The following ABCA1 variants were observed in gnomAD, a reference collection of about 807,000 sequenced individuals.
ABCA1 encodes phospholipid-transporting ATPase ABCA1.
In ABCA1, 133 loss-of-function variants were observed where a neutral mutation model predicts 262.5. That is an observed-to-expected ratio of 0.51 (90% confidence interval 0.44 to 0.59). The LOEUF (loss-of-function observed/expected upper bound fraction) is 0.59. Ranked by LOEUF, ABCA1 falls within the 20% of genes least tolerant of loss-of-function variation. The pLI is 0.00. For synonymous variants in ABCA1, 1,022 were observed against 1,043.5 expected, an observed-to-expected ratio of 0.98 and a Z score of 0.40; for missense variants, 2,452 against 2,777.5, an observed-to-expected ratio of 0.88 and a Z score of 2.63.
intron 2 of ABCA1, among the ~76,000 whole-genome samples, chr9:104,893,421 CAAAAAAAAAA>C (rs34544647): frequency 1.2e-3 from 41 of 35,264 alleles, no homozygotes; most frequent in Non-Finnish European, 1.6e-3. Flanking sequence ...GACTTCACCT[CAAAAAAAAAA>C]AAAAAAAAAA....
intron 11 of ABCA1, among the ~76,000 whole-genome samples, chr9:104,836,265 CA>C (rs1833809883): frequency 6.6e-6 from 1 of 152,200 alleles, no homozygotes. Flanking sequence ...AGGTTCAAAA[CA>C]AGAAACCTGG....
chr9:104,925,475 T>C (rs1194434255), intron 1 of ABCA1, among the ~76,000 whole-genome samples: 1 of 151,804 alleles, frequency 6.6e-6, no homozygotes, highest in Non-Finnish European at 1.5e-5. Flanking sequence ...AGACAACATA[T>C]CACACGTGTC....
chr9:104,823,269 G>A (rs1832531978), intron 18 of ABCA1, among the ~76,000 whole-genome samples: 2 of 152,196 alleles, frequency 1.3e-5, no homozygotes, highest in Admixed American at 1.3e-4. Context: ...CAGCTTGACT[G>A]AGCTAGTAAT....
Position 104,824,514 on chromosome 9 carries a change from T to C in ABCA1, c.2607A>G (p.Glu869=), listed in dbSNP as rs1255744285. ...AACCAGGGTGGCTCTTCTCATCACT[T>C]TCCTCGCCAAACCAGTAGGACTTGG... The part of the protein sequence containing the change: ...PCTKSYWFGE[E]SDEKSHPGSN... Residue 869 remains glutamate (E), a synonymous_variant, in exon 18 of 50, where the codon GAA becomes GAG. Coordinates refer to ENST00000374736, the MANE Select transcript of ABCA1 (RefSeq NM_005502.4). 6.2e-7 allele frequency: 1 copy of C among 1,614,150 alleles called. No individual in the cohort carries two copies. The highest frequency in any genetic ancestry group is 8.5e-7 in the Non-Finnish European group (1 of 1,180,034).
chr9:104,862,656 G>A (rs1407163313), intron 5 of ABCA1, among the ~76,000 whole-genome samples: 4 of 1,940 alleles, frequency 2.1e-3, no homozygotes, highest in Non-Finnish European at 4.1e-3. Context: ...GGCCGGGCCG[G>A]GCCGGGCCGG....
Position 104,829,013 on chromosome 9 carries a change from A to G in ABCA1, c.2018T>C (p.Ile673Thr), listed in dbSNP as rs1833030945. The change falls in exon 15 of 50, where the codon ATC (isoleucine) becomes ACC (threonine). Residue 673 changes from isoleucine (I) to threonine (T), a missense_variant. By Grantham distance (89) the Ile-to-Thr change is moderately conservative. Transcript: ENST00000374736. Reference sequence around the variant, plus strand: ...GAGGATGCTGTTGTCCAGGCCCATGATCCGCATGGTCTCTTTCAGCCGTGC... The same window carrying G: ...GAGGATGCTGTTGTCCAGGCCCATGGTCCGCATGGTCTCTTTCAGCCGTGC... The part of the protein sequence containing the change: ...KEARLKETMR[I>T]MGLDNSILWF... 1.2e-6 allele frequency: 2 copies of G among 1,614,048 alleles called. No individual in the cohort carries two copies. The highest frequency in any genetic ancestry group is 1.7e-6 in the Non-Finnish European group (2 of 1,180,042).
At chr9:104,791,787 T>TC (rs1441783980) in intron 43 of ABCA1, 149 bp downstream of exon 43, 10 of 734,814 alleles carry the variant, frequency 1.4e-5, no homozygotes, top group Non-Finnish European at 2.1e-5. Flanking sequence ...ACAGGGTCCC[T>TC]CTCTTCTCGA....
rs186911476 is a variant in ABCA1, at chr9:104,832,706, T to G, written c.1377A>C (p.Thr459=). 456 of 1,614,198 alleles carry G rather than the reference T, an allele frequency of 2.8e-4. 1 individual carries two copies. The East Asian group carries it at 3.7e-3, about 13-fold the overall frequency. ...CCAAAAACGCCACGATGTCTTGGGC[T>G]GTCCAATCTAAGCCATCCAACTGCT... The part of the protein sequence containing the change: ...WEQQLDGLDW[T]AQDIVAFLAK... Residue 459 remains threonine, a synonymous_variant, in exon 12 of 50, where the codon ACA becomes ACC. Transcript: ENST00000374736.
chr9:104,847,332 TCGA>T (rs1834982562), intron 7 of ABCA1, among the ~76,000 whole-genome samples: 2 of 152,168 alleles, frequency 1.3e-5, no homozygotes, highest in Non-Finnish European at 2.9e-5. Context: ...TTCCATTTTC[TCGA>T]CTATGCAGCA....
At chr9:104,793,992 G>T (rs1829645308) in intron 40 of ABCA1, among the ~76,000 whole-genome samples, 1 of 152,172 alleles carries the variant, frequency 6.6e-6, no homozygotes, top group African/African-American at 2.4e-5. Context: ...CTCATCTGCA[G>T]GCACATGATT....
intron 34 of ABCA1, 108 bp from the exon 35 acceptor site, chr9:104,800,692 A>ACT: frequency 1.1e-6 from 1 of 942,062 alleles, no homozygotes; most frequent in South Asian, 1.3e-5. Context: ...GAGCAATGCC[A>ACT]CTACCTTGTT....
rs908889122 is a variant in ABCA1 at position 104,781,452 on chromosome 9, G to C, written c.*2863C>G. 3 of 152,540 alleles carry C rather than the reference G, an allele frequency of 2.0e-5. No homozygotes were observed. The highest frequency in any genetic ancestry group is 6.5e-5 in the Admixed American group (1 of 15,272). The allele number at this position is 152,540 out of a possible 1,614,324, so 9.4% of individuals were successfully genotyped here. ...AAATTAATGTCTCAATATCAAAGTG[G>C]TTCAGTATTACATGACACATGGCTC... On this transcript the variant is annotated 3_prime_UTR_variant, in exon 50 of 50. Coordinates refer to ENST00000374736, the MANE Select transcript of ABCA1 (RefSeq NM_005502.4).
chr9:104,836,734 C>T (rs1458229539), intron 11 of ABCA1, among the ~76,000 whole-genome samples: 2 of 152,206 alleles, frequency 1.3e-5, no homozygotes, highest in East Asian at 1.9e-4. Flanking sequence ...CCAGCCCTCA[C>T]TAAGTTTTGC....
intron 7 of ABCA1, among the ~76,000 whole-genome samples, chr9:104,853,986 G>C (rs73521832): frequency 0.022 from 3,354 of 152,252 alleles, 121 homozygotes; most frequent in African/African-American, 0.075. Context: ...CTCAAAATAA[G>C]GAGATTATCC....
At position 104,841,441 on chromosome 9, in the gene ABCA1, AAAAAAGAAAAAG is replaced by A. The variant is rs3837273; in HGVS notation, c.814-934_814-923del. ...ACAAAAGCAAGACTCAGTCTTAAAA[AAAAAAGAAAAAG>A]AAAAAGAAAAAGAAAAACTCAAGTC... On this transcript the variant is annotated intron_variant, in intron 8 of 49. Coordinates refer to ENST00000374736, the MANE Select transcript of ABCA1 (RefSeq NM_005502.4). Among the ~76,000 whole-genome samples the A allele has an allele frequency of 4.4e-4, 66 of 150,908 alleles. 1 individual carries two copies. Among genetic ancestry groups the A allele is most frequent in the Admixed American group, 2.4e-3 (37 of 15,170 alleles).
In ABCA1 at chr9:104,782,519, CAGTA is replaced by C. The variant is rs1301361486; in HGVS notation, c.*1792_*1795del. On this transcript the variant is annotated 3_prime_UTR_variant, in exon 50 of 50. Transcript: ENST00000374736. The stretch of plus-strand genomic sequence containing the variant: ...TTTTCTTTTCTCTCAAGACAGTTAA[CAGTA>C]AGTATTAGTGAAACAGTATTTTTAC... 1 of 152,086 alleles carries C rather than the reference CAGTA, an allele frequency of 6.6e-6. No homozygotes were observed. The highest frequency in any genetic ancestry group is 6.5e-5 in the Admixed American group (1 of 15,284). 9.4% of individuals were successfully genotyped at this position (152,086 alleles called of 1,614,324 possible).
chr9:104,788,212 G>A (rs533192805), intron 45 of ABCA1, among the ~76,000 whole-genome samples, 158 bp from the exon 46 acceptor site: 13 of 152,266 alleles, frequency 8.5e-5, no homozygotes, highest in African/African-American at 2.6e-4. Context: ...GAAGGGACTC[G>A]TGTGGTGGGA....
chr9:104,792,932 A>C, intron 41 of ABCA1, 26 bp from the exon 42 acceptor site: 1 of 1,613,654 alleles, frequency 6.2e-7, no homozygotes. Context: ...AAGAAAAATG[A>C]ACCTTTCAAA....
At chr9:104,912,924 C>T (rs1341629793) in intron 1 of ABCA1, among the ~76,000 whole-genome samples, 1 of 152,154 alleles carries the variant, frequency 6.6e-6, no homozygotes, top group Non-Finnish European at 1.5e-5. Context: ...TACAGAAACA[C>T]AAGCAGGCAA....
Sources: gnomAD v4.1 joint callset for allele counts (sites outside exome capture counted in the v4.1 genomes callset) on GRCh38, gnomAD v4.1.1 for gene constraint, MANE v1.5 for transcripts, NCBI Gene and HGNC (gene_info 2026-07-23, HGNC 2026-07-21) for gene names.